Variants in ZDHHC14 observed in about 807,000 individuals in gnomAD.
ZDHHC14 encodes palmitoyltransferase ZDHHC14.
In ZDHHC14, 16 loss-of-function variants were observed where a neutral mutation model predicts 47.7. That is an observed-to-expected ratio of 0.34 (90% CI 0.23 to 0.51). The LOEUF (loss-of-function observed/expected upper bound fraction) is 0.51. Ranked by LOEUF, ZDHHC14 falls within the 20% of genes least tolerant of loss-of-function variation. The probability of loss-of-function intolerance (pLI) is 0.97; values close to 1 mark genes in which losing one functional copy is unlikely to be tolerated. For synonymous variants in ZDHHC14, 293 were observed against 278.9 expected (o/e 1.05, Z -0.50); for missense variants, 515 against 662.5 (o/e 0.78, Z 2.44).
At chr6:157,383,592 G>A (rs910930358) in intron 1 of ZDHHC14, among the ~76,000 whole-genome samples, 1 of 152,174 alleles carries the variant, frequency 6.6e-6, no homozygotes, top group African/African-American at 2.4e-5. Context: ...GACACTGTGC[G>A]CTGATTAGCA....
At position 157,484,149 on chromosome 6, in the gene ZDHHC14, G is replaced by A. The variant is rs185704891; in HGVS notation, c.246-58436G>A. ...AGACACTGGGGCCTTCTTGAGGGTAGGGGGTGCGGGGAGGGAGAGGATCAG... is the reference window on the plus strand; with the variant it reads ...AGACACTGGGGCCTTCTTGAGGGTAAGGGGTGCGGGGAGGGAGAGGATCAG... On this transcript the variant is annotated intron_variant, in intron 1 of 8. Transcript: ENST00000359775. Among the ~76,000 whole-genome samples, 59 of 151,762 alleles carry A rather than the reference G, an allele frequency of 3.9e-4. 1 individual carries two copies. The East Asian group carries it at 0.011, about 29-fold the overall frequency.
At chr6:157,423,372 A>T (rs1284544362) in intron 1 of ZDHHC14, among the ~76,000 whole-genome samples, 1 of 152,174 alleles carries the variant, frequency 6.6e-6, no homozygotes, top group Non-Finnish European at 1.5e-5. Context: ...GATTATTCAT[A>T]TGGTGCGGCA....
At chr6:157,580,815 CT>C (rs993734367) in intron 2 of ZDHHC14, among the ~76,000 whole-genome samples, 5 of 151,444 alleles carry the variant, frequency 3.3e-5, no homozygotes, top group Admixed American at 1.3e-4. Context: ...GATTTCCCTC[CT>C]TTTTTTATTA....
intron 8 of ZDHHC14, among the ~76,000 whole-genome samples, chr6:157,671,157 T>C (rs1302881680): frequency 5.9e-5 from 9 of 152,220 alleles, no homozygotes; most frequent in Non-Finnish European, 1.3e-4. Context: ...TCAGTAACTC[T>C]AGCCTTCTGA....
chr6:157,622,216 C>CAAAAAAAAAAAAAAAA (rs35681787), intron 3 of ZDHHC14, among the ~76,000 whole-genome samples: 1 of 93,894 alleles, frequency 1.1e-5, no homozygotes, highest in African/African-American at 3.8e-5. Context: ...ACTAAAAATA[C>CAAAAAAAAAAAAAAAA]AAAAAAAAAA....
At chr6:157,644,142 G>T (rs998799734) in intron 5 of ZDHHC14, among the ~76,000 whole-genome samples, 9 of 152,090 alleles carry the variant, frequency 5.9e-5, no homozygotes, top group African/African-American at 1.2e-4. Flanking sequence ...ACTGGCTCCC[G>T]CATTGTGTTC....
intron 1 of ZDHHC14, among the ~76,000 whole-genome samples, chr6:157,454,842 T>C (rs1778877653): frequency 6.6e-6 from 1 of 152,214 alleles, no homozygotes; most frequent in Non-Finnish European, 1.5e-5. Flanking sequence ...TTGTTAATGC[T>C]GTATTTGATG....
chr6:157,468,012 A>G (rs1779262025), intron 1 of ZDHHC14, among the ~76,000 whole-genome samples: 2 of 152,350 alleles, frequency 1.3e-5, no homozygotes, highest in Non-Finnish European at 2.9e-5. Context: ...TTTAGGCATA[A>G]GAGAAAAAGC....
intron 4 of ZDHHC14, 126 bp from the exon 5 acceptor site, chr6:157,632,708 G>T: frequency 1.1e-6 from 1 of 950,780 alleles, no homozygotes; most frequent in Non-Finnish European, 1.7e-6. Context: ...ACTGGGTGTC[G>T]TAGCACTTAC....
intron 7 of ZDHHC14, among the ~76,000 whole-genome samples, chr6:157,651,310 T>C (rs148664371): frequency 2.4e-4 from 36 of 152,356 alleles, no homozygotes; most frequent in African/African-American, 7.2e-4. Flanking sequence ...ATATGCTTCA[T>C]CGCAGGGTAG....
chr6:157,656,702 A>G (rs1778105603), intron 8 of ZDHHC14, among the ~76,000 whole-genome samples: 1 of 132,406 alleles, frequency 7.6e-6, no homozygotes, highest in African/African-American at 3.0e-5. Flanking sequence ...AAGCTTGAAG[A>G]TACCAAAAAA....
intron 1 of ZDHHC14, among the ~76,000 whole-genome samples, chr6:157,408,123 G>C (rs1285736390): frequency 1.3e-5 from 2 of 152,176 alleles, no homozygotes; most frequent in Non-Finnish European, 2.9e-5. Context: ...TTATACATCA[G>C]TTTTAGCTAG....
intron 1 of ZDHHC14, among the ~76,000 whole-genome samples, chr6:157,465,938 A>T (rs1251585528): frequency 6.6e-6 from 1 of 152,038 alleles, no homozygotes; most frequent in Non-Finnish European, 1.5e-5. Flanking sequence ...GCTACTCGGG[A>T]GGCGGAGACA....
chr6:157,541,735 A>G (rs2135208), intron 1 of ZDHHC14, among the ~76,000 whole-genome samples: 60,308 of 152,090 alleles, frequency 0.4, 12,124 homozygotes, highest in Admixed American at 0.45. Context: ...GAACTGCTCC[A>G]GCTCTAGAAT....
At chr6:157,583,611 CAGG>C (rs1346472316) in intron 2 of ZDHHC14, among the ~76,000 whole-genome samples, 1 of 152,050 alleles carries the variant, frequency 6.6e-6, no homozygotes, top group Non-Finnish European at 1.5e-5. Context: ...TAAGGGCCAG[CAGG>C]TAGGCTCTTC....
intron 5 of ZDHHC14, among the ~76,000 whole-genome samples, chr6:157,642,895 A>G (rs1399741965): frequency 6.6e-6 from 1 of 152,208 alleles, no homozygotes; most frequent in Non-Finnish European, 1.5e-5. Flanking sequence ...CAGCTGCCAC[A>G]GGTTCGCGAA....
At chr6:157,614,218 G>T (rs1784867573) in intron 3 of ZDHHC14, among the ~76,000 whole-genome samples, 1 of 152,184 alleles carries the variant, frequency 6.6e-6, no homozygotes, top group African/African-American at 2.4e-5. Context: ...CATCAACAGT[G>T]CCCCACTGTG....
At chr6:157,510,575 C>T (rs1012866462) in intron 1 of ZDHHC14, among the ~76,000 whole-genome samples, 3 of 152,268 alleles carry the variant, frequency 2.0e-5, no homozygotes, top group Admixed American at 2.0e-4. Context: ...TTCTTTGCTG[C>T]TGCTCTTCCA....
At chr6:157,593,893 GGA>G (rs1355195662) in intron 3 of ZDHHC14, among the ~76,000 whole-genome samples, 2 of 152,248 alleles carry the variant, frequency 1.3e-5, no homozygotes, top group African/African-American at 4.8e-5. Flanking sequence ...AGGTTGGCAA[GGA>G]GATGGCAGAA....
Sources: gnomAD v4.1 joint callset for allele counts (sites outside exome capture counted in the v4.1 genomes callset) on GRCh38, gnomAD v4.1.1 for gene constraint, MANE v1.5 for transcripts, NCBI Gene and HGNC (gene_info 2026-07-23, HGNC 2026-07-21) for gene names.